Variants in DAB1 observed in about 807,000 individuals in gnomAD.
DAB1 encodes the protein disabled homolog 1.
In DAB1, 15 loss-of-function variants were observed where a neutral mutation model predicts 64.6. The observed-to-expected ratio is 0.23, with a 90% CI of 0.16 to 0.36. The LOEUF (loss-of-function observed/expected upper bound fraction) is 0.36. DAB1 is among the 10% of genes least tolerant of loss of function. The pLI is 1.00. For synonymous variants in DAB1, 235 were observed against 251.9 expected (o/e 0.93, Z 0.64); for missense variants, 596 against 706.7 (o/e 0.84, Z 1.78).
At chr1:57,945,425 A>T (rs1483393266) in intron 5 of DAB1, among the ~76,000 whole-genome samples, 1 of 124,622 alleles carries the variant, frequency 8.0e-6, no homozygotes, top group Non-Finnish European at 1.7e-5. Flanking sequence ...ACACTTGCTA[A>T]TTGTTATTAT....
intron 6 of DAB1, among the ~76,000 whole-genome samples, chr1:57,658,982 G>T (rs1646351761): frequency 6.6e-6 from 1 of 152,070 alleles, no homozygotes; most frequent in African/African-American, 2.4e-5. Flanking sequence ...CCTTACTTCT[G>T]TTCCCTGGGA....
At chr1:58,396,152 A>G (rs1378237980) in intron 3 of DAB1, among the ~76,000 whole-genome samples, 2 of 151,786 alleles carry the variant, frequency 1.3e-5, no homozygotes, top group Non-Finnish European at 2.9e-5. Flanking sequence ...GATGGAAATG[A>G]GGCACCCCCA....
At chr1:57,005,579 G>T (rs1206895923) in intron 14 of DAB1, among the ~76,000 whole-genome samples, 1 of 152,184 alleles carries the variant, frequency 6.6e-6, no homozygotes, top group Non-Finnish European at 1.5e-5. Context: ...TAAAATGTCA[G>T]AGCTGGAAGG....
intron 7 of DAB1, among the ~76,000 whole-genome samples, chr1:57,556,293 C>A (rs1416898869): frequency 3.3e-5 from 5 of 152,148 alleles, no homozygotes; most frequent in Admixed American, 3.3e-4. Flanking sequence ...GATAGATACA[C>A]AGGAATGGGA....
chr1:57,250,384 T>C (rs1047508952), intron 2 of DAB1, among the ~76,000 whole-genome samples: 1 of 152,188 alleles, frequency 6.6e-6, no homozygotes, highest in Non-Finnish European at 1.5e-5. Context: ...GAATAAAATA[T>C]ATAAAAGTAA....
chr1:58,283,604 C>T (rs917990875), intron 4 of DAB1, among the ~76,000 whole-genome samples: 3 of 152,134 alleles, frequency 2.0e-5, no homozygotes, highest in East Asian at 1.9e-4. Flanking sequence ...CAAACTTGCG[C>T]GAGTCACTTT....
At chr1:57,878,047 G>C (rs1569903068) in intron 1 of DAB1, among the ~76,000 whole-genome samples, 1 of 152,274 alleles carries the variant, frequency 6.6e-6, no homozygotes, top group South Asian at 2.1e-4. Flanking sequence ...CTAAACATAT[G>C]TTTGGAACAA....
At chr1:57,137,247 CA>C (rs750943426) in intron 3 of DAB1, among the ~76,000 whole-genome samples, 1 of 152,026 alleles carries the variant, frequency 6.6e-6, no homozygotes, top group African/African-American at 2.4e-5. Context: ...TTCCATTTAT[CA>C]AAAAAACTGT....
rs912439929 is a variant in DAB1, at chr1:58,241,993, T to C, written n.310-91405A>G. Among the ~76,000 whole-genome samples, 3 of 152,034 alleles carry C rather than the reference T, an allele frequency of 2.0e-5. No homozygotes were observed. In the East Asian group the frequency reaches 5.8e-4, roughly 29 times the overall value. On this transcript the variant is annotated intron_variant and non_coding_transcript_variant, in intron 4 of 20. Transcript: ENST00000485760. The stretch of plus-strand genomic sequence containing the variant: ...GAATCTACCCATAAAAGTTAAATCA[T>C]CCATTAAAAATGATAAATGTTCAAG...
intron 4 of DAB1, among the ~76,000 whole-genome samples, chr1:58,173,232 C>A (rs1191034056): frequency 6.6e-6 from 1 of 152,168 alleles, no homozygotes; most frequent in African/African-American, 2.4e-5. Context: ...TGGGGTGGTT[C>A]ATGACAGAAG....
chr1:57,790,768 T>C (rs1226594468), intron 6 of DAB1, among the ~76,000 whole-genome samples: 1 of 152,220 alleles, frequency 6.6e-6, no homozygotes, highest in Admixed American at 6.5e-5. Context: ...TTTACCAGCA[T>C]GTTGCAAACA....
rs1266382830 is a variant in DAB1 at position 57,357,717 on chromosome 1, T to C, written c.-137+66213A>G. On this transcript the variant is annotated intron_variant, in intron 1 of 14. Coordinates refer to ENST00000371236, the MANE Select transcript of DAB1 (RefSeq NM_001365792.1). Reference sequence around the variant, plus strand: ...GGCCTCAGGAAACTTACAATCATGGTGAAAGAGGAAGCAAACACATCCTTC... The same window carrying C: ...GGCCTCAGGAAACTTACAATCATGGCGAAAGAGGAAGCAAACACATCCTTC... 2.0e-5 allele frequency among the ~76,000 whole-genome samples: 3 copies of C among 151,802 alleles called. No individual in the cohort carries two copies. The East Asian group carries it at 5.8e-4, about 29-fold the overall frequency.
rs376566888 is a variant in DAB1 at position 58,536,503 on chromosome 1, T to A, written n.33-9168A>T. 9 of 865,272 alleles carry A rather than the reference T, an allele frequency of 1.0e-5. No homozygotes were observed. In the African/African-American group the frequency reaches 1.1e-4, roughly 11 times the overall value. 53.6% of individuals were successfully genotyped at this position (865,272 alleles called of 1,614,324 possible). A position where few individuals can be genotyped will look rare whatever the true frequency, so the allele number is the denominator to read the frequency against. On this transcript the variant is annotated intron_variant and non_coding_transcript_variant, in intron 1 of 20. Transcript: ENST00000485760. ...AAGCAGTCTAATTAAAAACAACTCTTACTACTTACTGCTTCATATTCCAGT... is the reference window on the plus strand; with the variant it reads ...AAGCAGTCTAATTAAAAACAACTCTAACTACTTACTGCTTCATATTCCAGT...
intron 4 of DAB1, among the ~76,000 whole-genome samples, chr1:58,250,304 G>A (rs1273257548): frequency 6.6e-6 from 1 of 152,238 alleles, no homozygotes. Flanking sequence ...CTGCAGTAGA[G>A]GGCGAGCGGG....
intron 7 of DAB1, among the ~76,000 whole-genome samples, chr1:57,549,016 C>T (rs950473556): frequency 6.6e-6 from 1 of 152,130 alleles, no homozygotes; most frequent in African/African-American, 2.4e-5. Flanking sequence ...AGAGCCTATA[C>T]TCTAGTCCAG....
intron 6 of DAB1, among the ~76,000 whole-genome samples, chr1:57,693,314 G>A (rs1275812931): frequency 6.6e-6 from 1 of 152,152 alleles, no homozygotes; most frequent in Non-Finnish European, 1.5e-5. Context: ...GCCTTACTGG[G>A]TCAAGTGGGG....
Position 57,341,935 on chromosome 1 carries a change from T to C in DAB1, c.-136-50769A>G, listed in dbSNP as rs190707354. On this transcript the variant is annotated intron_variant, in intron 1 of 14. Coordinates refer to ENST00000371236, the MANE Select transcript of DAB1 (RefSeq NM_001365792.1). The stretch of plus-strand genomic sequence containing the variant: ...TCTGTCACTGTTCAACATTAGGTGA[T>C]GTTAATTGCCAACATTGTCTGGTAC... 3.3e-4 allele frequency among the ~76,000 whole-genome samples: 50 copies of C among 152,362 alleles called. 1 individual carries two copies. In the East Asian group the frequency reaches 9.1e-3, roughly 28 times the overall value.
intron 1 of DAB1, among the ~76,000 whole-genome samples, chr1:57,875,669 C>T (rs1644032762): frequency 6.6e-6 from 1 of 152,074 alleles, no homozygotes; most frequent in Non-Finnish European, 1.5e-5. Context: ...AGCAGGTACT[C>T]AATAAATAAT....
intron 3 of DAB1, among the ~76,000 whole-genome samples, chr1:57,138,415 T>C (rs1658310763): frequency 1.3e-5 from 2 of 152,084 alleles, no homozygotes; most frequent in African/African-American, 4.8e-5. Flanking sequence ...TTATATTGTG[T>C]TTTCCTTCTA....
Sources: gnomAD v4.1 joint callset for allele counts (sites outside exome capture counted in the v4.1 genomes callset) on GRCh38, gnomAD v4.1.1 for gene constraint, MANE v1.5 for transcripts, NCBI Gene and HGNC (gene_info 2026-07-23, HGNC 2026-07-21) for gene names.